MSH3: variants seen among roughly 807,000 people sequenced by gnomAD.
MSH3 encodes the protein DNA mismatch repair protein Msh3.
MSH3 carries 106 observed loss-of-function variants against 123.3 expected under a neutral mutation model. The ratio of observed to expected loss-of-function variants is 0.86; its 90% CI spans 0.73 to 1.01. The LOEUF (loss-of-function observed/expected upper bound fraction) is 1.01. MSH3 is among the 50% of genes least tolerant of loss of function. MSH3 has a pLI of 0.00. For synonymous variants in MSH3, 515 were observed against 481.4 expected, an observed-to-expected ratio of 1.07 and a Z score of -0.91; for missense variants, 1,459 against 1,347.6, an observed-to-expected ratio of 1.08 and a Z score of -1.29.
intron 8 of MSH3, among the ~76,000 whole-genome samples, chr5:80,685,595 T>G (rs1456129916): frequency 6.6e-6 from 1 of 152,048 alleles, no homozygotes; most frequent in Non-Finnish European, 1.5e-5. Context: ...AATTTTATCT[T>G]TTCAAAAAAC....
At chr5:80,687,145 T>C (rs1580561578) in intron 8 of MSH3, among the ~76,000 whole-genome samples, 2 of 152,360 alleles carry the variant, frequency 1.3e-5, no homozygotes. Context: ...ACTATCAATT[T>C]TTCTTAGATT....
At chr5:80,868,042 G>C (rs1444540987) in intron 22 of MSH3, among the ~76,000 whole-genome samples, 2 of 152,118 alleles carry the variant, frequency 1.3e-5, no homozygotes, top group African/African-American at 4.8e-5. Context: ...CTGACCATTA[G>C]AGAAATGCAA....
rs1290348286 is a variant in MSH3, at chr5:80,792,819, A to C, written c.2630A>C (p.Tyr877Ser). 1.9e-6 allele frequency: 3 copies of C among 1,611,052 alleles called. 1 individual carries two copies. The highest frequency in any genetic ancestry group is 1.7e-5 in the Admixed American group (1 of 60,008). Residue 877 changes from tyrosine to serine, a missense_variant, in exon 19 of 24, where the codon TAT (tyrosine) becomes TCT (serine). Physicochemically the swap from Tyr to Ser is moderately radical, Grantham distance 144 (BLOSUM62 -2). Coordinates refer to ENST00000265081, the MANE Select transcript of MSH3 (RefSeq NM_002439.5). ...IDVLLGEQDQ[Y>S]VPNNTDLSED... is the part of the protein sequence containing the mutation. ...GTGTTGCTGGGAGAACAGGATCAAT[A>C]TGTCCCAAATAATACAGATTTATCA...
At chr5:80,730,345 T>A (rs557550195) in intron 10 of MSH3, among the ~76,000 whole-genome samples, 172 of 152,234 alleles carry the variant, frequency 1.1e-3, no homozygotes, top group Non-Finnish European at 2.0e-3. Flanking sequence ...AGAATATATA[T>A]GTAGTTAGAG....
At chr5:80,656,655 C>A in intron 2 of MSH3, 124 bp downstream of exon 2, 2 of 1,367,004 alleles carry the variant, frequency 1.5e-6, no homozygotes, top group Non-Finnish European at 2.0e-6. Flanking sequence ...CCCTTTTGTT[C>A]CTGAGCAGAG....
At chr5:80,724,807 T>G (rs1349853548) in intron 8 of MSH3, among the ~76,000 whole-genome samples, 2 of 152,232 alleles carry the variant, frequency 1.3e-5, no homozygotes, top group African/African-American at 2.4e-5. Context: ...TTTCAGTTTT[T>G]CTCTCTTCAT....
intron 8 of MSH3, among the ~76,000 whole-genome samples, chr5:80,692,407 GA>G (rs1750305858): frequency 4.9e-5 from 2 of 41,128 alleles, no homozygotes; most frequent in Non-Finnish European, 8.0e-5. Context: ...TGTTTAGATA[GA>G]TAAACATGTA....
chr5:80,682,691 C>A (rs1749998793), intron 8 of MSH3, among the ~76,000 whole-genome samples: 1 of 152,152 alleles, frequency 6.6e-6, no homozygotes, highest in Non-Finnish European at 1.5e-5. Context: ...AATGGGGTAT[C>A]CATCTCCTCA....
intron 4 of MSH3, among the ~76,000 whole-genome samples, chr5:80,670,790 T>A (rs1332308778): frequency 6.6e-6 from 1 of 152,092 alleles, no homozygotes; most frequent in Non-Finnish European, 1.5e-5. Flanking sequence ...GTTTTACAGA[T>A]CTCTTTGGGT....
In MSH3 at chr5:80,706,405, T is replaced by C. The variant is rs1384857500; in HGVS notation, c.1341-19048T>C. Among the ~76,000 whole-genome samples the C allele has an allele frequency of 2.0e-5, 3 of 152,358 alleles. No homozygotes were observed. In the East Asian group the frequency reaches 5.8e-4, roughly 29 times the overall value. Reference sequence around the variant, plus strand: ...CACTGATTTGAAAATGTCTTAATGTTGCTAGTCCTCTTCAGGATTATGTAA... The same window carrying C: ...CACTGATTTGAAAATGTCTTAATGTCGCTAGTCCTCTTCAGGATTATGTAA... On this transcript the variant is annotated intron_variant, in intron 8 of 23. Transcript: ENST00000265081.
At chr5:80,704,519 T>C (rs1217993038) in intron 8 of MSH3, among the ~76,000 whole-genome samples, 2 of 152,186 alleles carry the variant, frequency 1.3e-5, no homozygotes, top group Non-Finnish European at 2.9e-5. Context: ...ATGATTTTCC[T>C]GCTTTTGTTT....
At chr5:80,704,014 A>G (rs948006695) in intron 8 of MSH3, among the ~76,000 whole-genome samples, 12 of 152,170 alleles carry the variant, frequency 7.9e-5, no homozygotes, top group African/African-American at 2.9e-4. Context: ...CCTGCAGGCC[A>G]CAATGGTGGG....
intron 8 of MSH3, among the ~76,000 whole-genome samples, chr5:80,719,888 C>T (rs1486236724): frequency 6.6e-6 from 1 of 152,222 alleles, no homozygotes; most frequent in East Asian, 1.9e-4. Flanking sequence ...ATCAGAATTA[C>T]CTGGCAGGCT....
intron 20 of MSH3, among the ~76,000 whole-genome samples, chr5:80,825,046 A>T (rs1435959346): frequency 2.0e-5 from 3 of 152,204 alleles, no homozygotes. Context: ...ATATCCCATT[A>T]AATTATATCC....
At chr5:80,859,721 T>TG (rs1345193079) in intron 21 of MSH3, among the ~76,000 whole-genome samples, 1 of 151,228 alleles carries the variant, frequency 6.6e-6, no homozygotes, top group Non-Finnish European at 1.5e-5. Flanking sequence ...TCTTTTTTTT[T>TG]TTTTTTGTTT....
At chr5:80,768,727 T>C (rs1238241397) in intron 14 of MSH3, 108 bp from the exon 15 acceptor site, 5 of 988,188 alleles carry the variant, frequency 5.1e-6, no homozygotes, top group African/African-American at 1.6e-5. Flanking sequence ...TGGAACCACA[T>C]TTTTCTGACT....
At chr5:80,678,713 C>T (rs933512160) in intron 7 of MSH3, among the ~76,000 whole-genome samples, 1 of 152,042 alleles carries the variant, frequency 6.6e-6, no homozygotes, top group Non-Finnish European at 1.5e-5. Flanking sequence ...GGGCGGCTCT[C>T]GGAAATCTGA....
At chr5:80,873,584 A>G (rs1420288322) in intron 23 of MSH3, among the ~76,000 whole-genome samples, 1 of 152,216 alleles carries the variant, frequency 6.6e-6, no homozygotes, top group African/African-American at 2.4e-5. Flanking sequence ...CAGTATGCCA[A>G]AGGTTACTGA....
At chr5:80,802,867 C>T (rs948067800) in intron 19 of MSH3, among the ~76,000 whole-genome samples, 2 of 152,118 alleles carry the variant, frequency 1.3e-5, no homozygotes, top group Non-Finnish European at 2.9e-5. Flanking sequence ...ACATAATATC[C>T]TCCAGTTCCA....
Sources: allele counts gnomAD v4.1 joint callset (sites outside exome capture counted in the v4.1 genomes callset), GRCh38; gene constraint gnomAD v4.1.1; transcripts MANE v1.5; gene names NCBI Gene and HGNC (gene_info 2026-07-23, HGNC 2026-07-21).